Variants in MAFG observed in about 807,000 individuals in gnomAD.
MAFG encodes the protein transcription factor MafG.
MAFG carries 3 observed loss-of-function variants against 12.2 expected under a neutral mutation model. The ratio of observed to expected loss-of-function variants is 0.25; its 90% confidence interval spans 0.11 to 0.64. The LOEUF (loss-of-function observed/expected upper bound fraction) is 0.64, where lower values mean the gene tolerates loss of function less well. MAFG is among the 30% of genes least tolerant of loss of function. MAFG has a pLI of 0.85. For missense variants in MAFG, 153 were observed against 235.5 expected, an observed-to-expected ratio of 0.65 and a Z score of 2.29; for synonymous variants, 126 against 109.1, an observed-to-expected ratio of 1.15 and a Z score of -0.96.
At chr17:81,927,746 C>A, upstream of MAFG, 2 of 152,386 alleles carry the variant, frequency 1.3e-5, no homozygotes, top group South Asian at 3.9e-4. Flanking sequence ...GATGTTTGGT[C>A]ACGTGGGCTC....
At chr17:81,925,363 C>T (rs1013185828) in intron 1 of MAFG, among the ~76,000 whole-genome samples, 1 of 152,232 alleles carries the variant, frequency 6.6e-6, no homozygotes, top group Non-Finnish European at 1.5e-5. Context: ...ACTCCCGTGC[C>T]TGAACACAGA....
intron 1 of MAFG, 56 bp from the exon 2 acceptor site, chr17:81,923,270 C>T (rs973848651): frequency 2.1e-6 from 2 of 958,016 alleles, no homozygotes; most frequent in Non-Finnish European, 2.7e-6. Flanking sequence ...GCACCCCCCC[C>T]CCCCCGCCCC....
chr17:81,929,815 G>A (rs189535177), upstream of MAFG: 79 of 153,868 alleles, frequency 5.1e-4, no homozygotes, highest in Non-Finnish European at 8.1e-4. The surrounding 1 kb of genome is among the most constrained non-coding windows in gnomAD (Gnocchi z 5.7). Context: ...GTCACAGCTG[G>A]ATGCCTCCTC....
chr17:81,922,779 G>T lies in MAFG; in HGVS notation c.315C>A (p.Asp105Glu). ...GCGCCTCGTACTTGGAGCGCAGCGCGTCGAGCTCCAGCTTCATGCTGGCGT... is the reference window on the plus strand; with the variant it reads ...GCGCCTCGTACTTGGAGCGCAGCGCTTCGAGCTCCAGCTTCATGCTGGCGT... ...SENASMKLEL[D>E]ALRSKYEALQ... The change falls in exon 3 of 3, where the codon GAC (aspartate) becomes GAA (glutamate). Residue 105 changes from aspartate to glutamate, a missense_variant. This residue lies in a region of MAFG where 81 missense variants were observed against 94.7 expected (regional missense o/e 0.86). Coordinates refer to ENST00000357736, the MANE Select transcript of MAFG (RefSeq NM_002359.4). 1 of 1,599,932 alleles carries T rather than the reference G, an allele frequency of 6.3e-7. No individual in the cohort carries two copies. The highest frequency in any genetic ancestry group is 1.3e-5 in the African/African-American group (1 of 74,886).
At chr17:81,927,169 C>A (rs560030376) in intron 1 of MAFG, among the ~76,000 whole-genome samples, 3 of 151,856 alleles carry the variant, frequency 2.0e-5, no homozygotes, top group Non-Finnish European at 4.4e-5. Flanking sequence ...GCGCGGACCC[C>A]CGGGCGCCTC....
At chr17:81,928,722 C>A (rs2143834509), upstream of MAFG, among the ~76,000 whole-genome samples, 2 of 152,338 alleles carry the variant, frequency 1.3e-5, no homozygotes, top group South Asian at 4.1e-4. The surrounding 1 kb of genome is among the most constrained non-coding windows in gnomAD (Gnocchi z 8.1). Context: ...GCTCTAGGGG[C>A]ATGATATGGT....
At chr17:81,930,070 C>A, upstream of MAFG, 1 of 152,420 alleles carries the variant, frequency 6.6e-6, no homozygotes. The surrounding 1 kb of genome is among the most constrained non-coding windows in gnomAD (Gnocchi z 4.1). Flanking sequence ...CTTAAGACCC[C>A]ATCGGTTCCT....
In MAFG at chr17:81,919,279, C is replaced by G. The variant is rs551765920; in HGVS notation, c.*3326G>C. 2 of 152,402 alleles carry G rather than the reference C, an allele frequency of 1.3e-5. No homozygotes were observed. Among genetic ancestry groups the G allele is most frequent in the South Asian group, 4.1e-4 (2 of 4,836 alleles). 9.4% of individuals were successfully genotyped at this position (152,402 alleles called of 1,614,324 possible). ...TGGGCGCTTTGGCCAAGTGGCCACT[C>G]CAGAGGGAGGCAGCAGGGACAACAT... On this transcript the variant is annotated 3_prime_UTR_variant, in exon 3 of 3. Coordinates refer to ENST00000357736, the MANE Select transcript of MAFG (RefSeq NM_002359.4).
At chr17:81,929,147 G>T (rs974977135), upstream of MAFG, among the ~76,000 whole-genome samples, 2 of 152,222 alleles carry the variant, frequency 1.3e-5, no homozygotes, top group Non-Finnish European at 2.9e-5. The surrounding 1 kb of genome is among the most constrained non-coding windows in gnomAD (Gnocchi z 5.7). Context: ...ACAGGGTCGA[G>T]CCCGCTCTCA....
At chr17:81,929,002 T>C (rs571213419), upstream of MAFG, among the ~76,000 whole-genome samples, 1 of 152,232 alleles carries the variant, frequency 6.6e-6, no homozygotes, top group South Asian at 2.1e-4. The surrounding 1 kb of genome is among the most constrained non-coding windows in gnomAD (Gnocchi z 5.7). Flanking sequence ...CCGCCCTCCG[T>C]GCCACACAGC....
At chr17:81,925,734 G>C (rs1317288318) in intron 1 of MAFG, among the ~76,000 whole-genome samples, 2 of 151,394 alleles carry the variant, frequency 1.3e-5, no homozygotes, top group South Asian at 4.2e-4. Context: ...CGTGAACCTG[G>C]GAGGCAGAGC....
intron 1 of MAFG, among the ~76,000 whole-genome samples, chr17:81,923,741 C>G (rs2040918994): frequency 1.3e-5 from 2 of 152,112 alleles, no homozygotes; most frequent in Non-Finnish European, 2.9e-5. Flanking sequence ...GCCAGTGACC[C>G]TGTGTGTGCA....
upstream of MAFG, chr17:81,927,837 C>A (rs912622198): frequency 2.6e-5 from 4 of 152,172 alleles, no homozygotes; most frequent in African/African-American, 7.2e-5. Context: ...GCATGCGCAA[C>A]CCGCGCGCCG....
In MAFG at chr17:81,920,848, G is replaced by A. The variant is rs976997846; in HGVS notation, c.*1757C>T. ...GCTCTCAGAGTGAGGCAGGGACAAGGAAGAAAGGGCGGTGCCCGGTGGGCC... is the reference window on the plus strand; with the variant it reads ...GCTCTCAGAGTGAGGCAGGGACAAGAAAGAAAGGGCGGTGCCCGGTGGGCC... On this transcript the variant is annotated 3_prime_UTR_variant, in exon 3 of 3. Transcript: ENST00000357736. The A allele has an allele frequency of 1.3e-5, 2 of 152,466 alleles. No homozygotes were observed. The highest frequency in any genetic ancestry group is 2.4e-5 in the African/African-American group (1 of 41,466). The allele number at this position is 152,466 out of a possible 1,614,324, so 9.4% of individuals were successfully genotyped here.
chr17:81,924,989 G>C lies in MAFG; in HGVS notation c.-29-1775C>G, dbSNP rs765240272. Among the ~76,000 whole-genome samples, 1 of 152,250 alleles carries C rather than the reference G, an allele frequency of 6.6e-6. No homozygotes were observed. Among genetic ancestry groups the C allele is most frequent in the African/African-American group, 2.4e-5 (1 of 41,470 alleles). ...CGCAGAAGGCCTGAACTCAGCACAA[G>C]TGCAAGCCATCGCCTCCTATCAAAG... is the stretch of plus-strand genomic sequence containing the variant. On this transcript the variant is annotated intron_variant, in intron 1 of 2. Coordinates refer to ENST00000357736, the MANE Select transcript of MAFG (RefSeq NM_002359.4). The surrounding 1 kb of genome is among the most constrained non-coding windows in gnomAD (Gnocchi z 4.7).
At chr17:81,923,745 G>A (rs757335126) in intron 1 of MAFG, among the ~76,000 whole-genome samples, 1 of 152,088 alleles carries the variant, frequency 6.6e-6, no homozygotes, top group Non-Finnish European at 1.5e-5. Context: ...GTGACCCTGT[G>A]TGTGCATCTT....
chr17:81,927,341 G>A (rs1328539154), intron 1 of MAFG, among the ~76,000 whole-genome samples, 187 bp downstream of exon 1: 2 of 151,282 alleles, frequency 1.3e-5, no homozygotes, highest in East Asian at 2.0e-4. Context: ...GCTCCTGACC[G>A]CTGGGGAAAT....
At chr17:81,923,099 C>T in intron 2 of MAFG, 42 bp from the exon 3 acceptor site, 1 of 1,610,398 alleles carries the variant, frequency 6.2e-7, no homozygotes, top group South Asian at 1.1e-5. Flanking sequence ...GCGGGCACGC[C>T]CACTGTGCCC....
chr17:81,923,414 C>T, intron 1 of MAFG, 200 bp from the exon 2 acceptor site: 3 of 466,486 alleles, frequency 6.4e-6, no homozygotes, highest in Non-Finnish European at 1.1e-5. Flanking sequence ...GTCCACCCTG[C>T]CCCTAGAGAA....
Sources: allele counts gnomAD v4.1 joint callset (sites outside exome capture counted in the v4.1 genomes callset), GRCh38; gene constraint gnomAD v4.1.1; regional missense constraint gnomAD v4.1.1; non-coding constraint Gnocchi (gnomAD v3.1); transcripts MANE v1.5; gene names NCBI Gene and HGNC (gene_info 2026-07-23, HGNC 2026-07-21).